Variants in ZNF536 observed in about 807,000 individuals in gnomAD.
The protein encoded by ZNF536 is zinc finger protein 536.
A neutral mutation model predicts 84.5 loss-of-function variants in ZNF536; 13 were observed. The ratio of observed to expected loss-of-function variants is 0.15; its 90% confidence interval spans 0.10 to 0.24. The LOEUF (loss-of-function observed/expected upper bound fraction) is 0.24. Ranked by LOEUF, ZNF536 falls within the 10% of genes least tolerant of loss-of-function variation. The pLI is 1.00. For synonymous variants in ZNF536, 811 were observed against 742.5 expected, an observed-to-expected ratio of 1.09 and a Z score of -1.50; for missense variants, 1,536 against 1,747.5, an observed-to-expected ratio of 0.88 and a Z score of 2.16.
At chr19:30,691,506 A>C (rs2051408300) in intron 1 of ZNF536, among the ~76,000 whole-genome samples, 1 of 152,076 alleles carries the variant, frequency 6.6e-6, no homozygotes, top group Admixed American at 6.5e-5. Flanking sequence ...CTCCGTTTCA[A>C]GGCTCTGTAA....
exon 2 of ZNF536, chr19:30,711,610 A>G (rs1013588582): frequency 6.6e-6 from 1 of 152,232 alleles, no homozygotes; most frequent in Non-Finnish European, 1.5e-5. Flanking sequence ...GGCACTGCAG[A>G]GGATTGAGAT....
chr19:30,590,692 ACTG>A (rs1182509196), intron 1 of ZNF536, among the ~76,000 whole-genome samples: 1 of 152,152 alleles, frequency 6.6e-6, no homozygotes. Flanking sequence ...TCCAGGTCTC[ACTG>A]TACTGTGACC....
intron 1 of ZNF536, among the ~76,000 whole-genome samples, chr19:30,566,774 GGA>G (rs1415956594): frequency 6.6e-6 from 1 of 151,510 alleles, no homozygotes; most frequent in East Asian, 2.0e-4. Flanking sequence ...GGCAGTGGAG[GGA>G]TCCCTGCCTG....
chr19:30,645,924 T>A (rs547271147), intron 1 of ZNF536, among the ~76,000 whole-genome samples: 3 of 152,226 alleles, frequency 2.0e-5, no homozygotes, highest in Admixed American at 6.5e-5. Flanking sequence ...TTGGGAAAGT[T>A]CGCCATGCCG....
intron 2 of ZNF536, among the ~76,000 whole-genome samples, chr19:30,519,421 C>T (rs2044226921): frequency 6.6e-6 from 1 of 152,188 alleles, no homozygotes; most frequent in African/African-American, 2.4e-5. Context: ...CGGGGTTGTG[C>T]TCTGGCAGTG....
intron 2 of ZNF536, among the ~76,000 whole-genome samples, chr19:30,463,832 G>A (rs1440117129): frequency 1.3e-5 from 2 of 152,160 alleles, no homozygotes; most frequent in Non-Finnish European, 2.9e-5. Context: ...GAGATGGGGT[G>A]CAGGCATGGT....
At chr19:30,241,286 G>A (rs974998497) in intron 1 of ZNF536, among the ~76,000 whole-genome samples, 2 of 152,206 alleles carry the variant, frequency 1.3e-5, no homozygotes, top group Admixed American at 6.5e-5. Context: ...CTGCACTCCA[G>A]CCTAGGTGAC....
At chr19:30,390,483 G>A (rs924964105) in intron 1 of ZNF536, among the ~76,000 whole-genome samples, 5 of 152,194 alleles carry the variant, frequency 3.3e-5, no homozygotes, top group Admixed American at 6.5e-5. Context: ...GGGAAAGGCT[G>A]GAGGGGCTGA....
chr19:30,405,780 A>AT lies in ZNF536; in HGVS notation c.-3+33239dup, dbSNP rs199547095. ...CCCTTGATGCAGAGGCACTGTTAAC[A>AT]TTTTTTTTTTTTTTTGAGATAGAGT... On this transcript the variant is annotated intron_variant, in intron 1 of 4. Coordinates refer to ENST00000355537, the MANE Select transcript of ZNF536 (RefSeq NM_014717.3). 6.7e-3 allele frequency among the ~76,000 whole-genome samples: 951 copies of AT among 141,598 alleles called. 9 individuals are homozygous for AT. Among genetic ancestry groups the AT allele is most frequent in the Middle Eastern group, 0.026 (7 of 272 alleles). 92.9% of individuals were successfully genotyped at this position (141,598 alleles called of 152,430 possible). A position where few individuals can be genotyped will look rare whatever the true frequency, so the allele number is the denominator to read the frequency against.
At chr19:30,494,439 A>G (rs536530934) in intron 2 of ZNF536, among the ~76,000 whole-genome samples, 1 of 152,338 alleles carries the variant, frequency 6.6e-6, no homozygotes, top group African/African-American at 2.4e-5. Context: ...GGCTGGGATG[A>G]ATCTGCTGTC....
chr19:30,291,377 A>G (rs1039337672), intron 2 of ZNF536, among the ~76,000 whole-genome samples: 6 of 152,210 alleles, frequency 3.9e-5, no homozygotes, highest in African/African-American at 1.2e-4. Flanking sequence ...AATGATCGCC[A>G]TTCTAACTGG....
At chr19:30,513,500 G>C (rs1187905992) in intron 2 of ZNF536, among the ~76,000 whole-genome samples, 1 of 152,104 alleles carries the variant, frequency 6.6e-6, no homozygotes, top group African/African-American at 2.4e-5. Flanking sequence ...CTGTGACATT[G>C]GTGTCATTCA....
chr19:30,322,619 G>A (rs1600217068), intron 2 of ZNF536, among the ~76,000 whole-genome samples: 1 of 152,120 alleles, frequency 6.6e-6, no homozygotes, highest in Admixed American at 6.6e-5. Flanking sequence ...TCCTTTTCCC[G>A]AATTTCCCTT....
At chr19:30,532,656 C>T (rs1003710430) in intron 2 of ZNF536, among the ~76,000 whole-genome samples, 9 of 89,096 alleles carry the variant, frequency 1.0e-4, no homozygotes, top group Non-Finnish European at 1.3e-4. Flanking sequence ...TGAGGGAGGC[C>T]GGGAGGGCAA....
In ZNF536 at chr19:30,282,458, C is replaced by T. The variant is rs1002274167; in HGVS notation, c.-189-1614C>T. On this transcript the variant is annotated intron_variant, in intron 1 of 5. Coordinates refer to the ZNF536 transcript ENST00000585628. ...ATCAATGGCGTGAAGCTGGACAAAC[C>T]GGTGTGGGACTTCCCCCGATGAAGA... 5.0e-4 allele frequency among the ~76,000 whole-genome samples: 76 copies of T among 152,188 alleles called. 1 individual carries two copies. The highest frequency in any genetic ancestry group is 1.7e-3 in the African/African-American group (70 of 41,450).
chr19:30,676,376 G>A (rs1191908730), intron 1 of ZNF536, among the ~76,000 whole-genome samples: 1 of 152,186 alleles, frequency 6.6e-6, no homozygotes, highest in Non-Finnish European at 1.5e-5. Flanking sequence ...CACTCTGTGA[G>A]CCCCTTGTCA....
chr19:30,647,841 T>A (rs889369533), intron 1 of ZNF536, among the ~76,000 whole-genome samples: 3 of 152,184 alleles, frequency 2.0e-5, no homozygotes, highest in African/African-American at 7.2e-5. Flanking sequence ...CCAGCTGTCC[T>A]ACAGCAAGCA....
At chr19:30,286,548 A>AGAGAGAGAGAG (rs1568305284) in intron 2 of ZNF536, among the ~76,000 whole-genome samples, 2 of 92,582 alleles carry the variant, frequency 2.2e-5, no homozygotes, top group African/African-American at 9.3e-5. Flanking sequence ...GAGAGAGAGA[A>AGAGAGAGAGAG]AGAGAGAGAC....
chr19:30,432,987 T>C (rs1442033459), intron 1 of ZNF536, among the ~76,000 whole-genome samples: 1 of 152,170 alleles, frequency 6.6e-6, no homozygotes, highest in African/African-American at 2.4e-5. Flanking sequence ...ATGTTCTTCC[T>C]CTGTTAAGAG....
Sources: allele counts gnomAD v4.1 joint callset (sites outside exome capture counted in the v4.1 genomes callset), GRCh38; gene constraint gnomAD v4.1.1; transcripts MANE v1.5; gene names NCBI Gene and HGNC (gene_info 2026-07-23, HGNC 2026-07-21).